The following RNF180 variants were observed in gnomAD, a reference collection of about 807,000 sequenced individuals.
RNF180 encodes the protein ring finger protein 180.
RNF180 carries 38 observed loss-of-function variants against 59.2 expected under a neutral mutation model. The observed-to-expected ratio is 0.64, with a 90% CI of 0.50 to 0.84. The LOEUF (loss-of-function observed/expected upper bound fraction) is 0.84. Ranked by LOEUF, RNF180 falls within the 40% of genes least tolerant of loss-of-function variation. The pLI is 0.00. For synonymous variants in RNF180, 262 were observed against 240.3 expected (o/e 1.09, Z -0.84); for missense variants, 705 against 700.9 (o/e 1.01, Z -0.07).
chr5:64,359,844 T>C (rs1466382760), intron 7 of RNF180, among the ~76,000 whole-genome samples: 2 of 152,238 alleles, frequency 1.3e-5, no homozygotes, highest in African/African-American at 4.8e-5. Context: ...AGTTTCAGCT[T>C]TCTACATATG....
At chr5:64,363,400 T>C (rs1283070139) in intron 7 of RNF180, among the ~76,000 whole-genome samples, 1 of 151,844 alleles carries the variant, frequency 6.6e-6, no homozygotes, top group Non-Finnish European at 1.5e-5. Flanking sequence ...ATAAGATGGT[T>C]GTAGATGTGT....
chr5:64,315,068 T>C (rs982406285), intron 5 of RNF180, among the ~76,000 whole-genome samples: 3 of 152,208 alleles, frequency 2.0e-5, no homozygotes, highest in Non-Finnish European at 4.4e-5. Context: ...TGTAACATCA[T>C]GCATTAGACA....
chr5:64,316,032 T>C (rs1744025582), intron 5 of RNF180, among the ~76,000 whole-genome samples: 1 of 152,148 alleles, frequency 6.6e-6, no homozygotes, highest in African/African-American at 2.4e-5. Context: ...ATCAGTACAA[T>C]TGCCAACACA....
Position 64,309,860 on chromosome 5 carries a change from T to C in RNF180, c.1228-15326T>C, listed in dbSNP as rs540898662. Among the ~76,000 whole-genome samples the C allele has an allele frequency of 1.1e-4, 17 of 151,826 alleles. No homozygotes were observed. In the East Asian group the frequency reaches 3.3e-3, roughly 29 times the overall value. On this transcript the variant is annotated intron_variant, in intron 5 of 7. Coordinates refer to ENST00000389100, the MANE Select transcript of RNF180 (RefSeq NM_001113561.2). ...TCTTAGCAGTGTCAGGTTGACTGGC[T>C]TTTATATTTATATTAATTTTTCCAT...
At chr5:64,296,770 A>G (rs1479587181) in intron 5 of RNF180, among the ~76,000 whole-genome samples, 1 of 152,140 alleles carries the variant, frequency 6.6e-6, no homozygotes, top group Non-Finnish European at 1.5e-5. Flanking sequence ...TTGGAGGGAA[A>G]TGCATAGTTG....
At chr5:64,266,589 A>C (rs946873795) in intron 5 of RNF180, among the ~76,000 whole-genome samples, 2 of 152,156 alleles carry the variant, frequency 1.3e-5, no homozygotes, top group African/African-American at 4.8e-5. Context: ...TGTTATCAAA[A>C]TTTCATCACT....
At chr5:64,199,794 T>G (rs2112048928) in intron 1 of RNF180, among the ~76,000 whole-genome samples, 1 of 152,348 alleles carries the variant, frequency 6.6e-6, no homozygotes, top group East Asian at 1.9e-4. Context: ...TGTACCTATT[T>G]TGGAATTGTT....
At chr5:64,325,471 G>T in intron 6 of RNF180, 60 bp downstream of exon 6, 1 of 1,195,850 alleles carries the variant, frequency 8.4e-7, no homozygotes, top group South Asian at 1.3e-5. Flanking sequence ...TAGTTCTAAA[G>T]GTACTTTATA....
intron 2 of RNF180, among the ~76,000 whole-genome samples, chr5:64,209,543 A>G (rs990803771): frequency 1.3e-5 from 2 of 152,046 alleles, no homozygotes; most frequent in East Asian, 3.8e-4. Flanking sequence ...TGTGTTTAGT[A>G]ATCACTAAAT....
intron 7 of RNF180, among the ~76,000 whole-genome samples, chr5:64,337,493 T>C (rs544224156): frequency 1.3e-5 from 2 of 152,266 alleles, no homozygotes; most frequent in Non-Finnish European, 2.9e-5. Flanking sequence ...TAGAAATATA[T>C]TTTTTTGCAA....
At chr5:64,340,060 T>G (rs1445031129) in intron 7 of RNF180, among the ~76,000 whole-genome samples, 2 of 152,164 alleles carry the variant, frequency 1.3e-5, no homozygotes, top group Non-Finnish European at 2.9e-5. Flanking sequence ...CCTCAGTTTA[T>G]TTGAACAGTA....
chr5:64,170,978 A>C (rs1014505838), intron 1 of RNF180, among the ~76,000 whole-genome samples: 2 of 152,226 alleles, frequency 1.3e-5, no homozygotes, highest in African/African-American at 4.8e-5. Flanking sequence ...GGCATAGTGC[A>C]TTAAGAATGT....
intron 7 of RNF180, among the ~76,000 whole-genome samples, chr5:64,337,741 G>A (rs921939050): frequency 3.5e-5 from 5 of 143,508 alleles, no homozygotes; most frequent in Non-Finnish European, 6.0e-5. Flanking sequence ...CCACCTATGA[G>A]TGAGAACATG....
At position 64,289,521 on chromosome 5, in the gene RNF180, G is replaced by A. The variant is rs185218587; in HGVS notation, c.1228-35665G>A. On this transcript the variant is annotated intron_variant, in intron 5 of 7. Coordinates refer to ENST00000389100, the MANE Select transcript of RNF180 (RefSeq NM_001113561.2). ...ATTCAGCTGTAATCCTCCTGGTCCT[G>A]GGCTTTTATTGGTTGGTAGGCTCTT... Among the ~76,000 whole-genome samples the A allele has an allele frequency of 1.4e-4, 21 of 152,144 alleles. 1 individual carries two copies. The highest frequency in any genetic ancestry group is 5.1e-4 in the African/African-American group (21 of 41,516).
intron 3 of RNF180, 138 bp downstream of exon 3, chr5:64,212,298 A>G: frequency 1.6e-6 from 1 of 612,004 alleles, no homozygotes; most frequent in Non-Finnish European, 3.0e-6. Flanking sequence ...CTCTCTTCAC[A>G]CTTCTTTTCT....
intron 1 of RNF180, among the ~76,000 whole-genome samples, chr5:64,192,901 A>ATGTGTATG (rs1417440310): frequency 1.4e-5 from 1 of 71,190 alleles, no homozygotes; most frequent in African/African-American, 5.8e-5. Context: ...AAAGTGTGGC[A>ATGTGTATG]TGTATATATA....
At chr5:64,330,238 T>C (rs1252439127) in intron 6 of RNF180, 43 bp from the exon 7 acceptor site, 1 of 1,310,146 alleles carries the variant, frequency 7.6e-7, no homozygotes, top group Non-Finnish European at 1.1e-6. Context: ...GCCATTTTAC[T>C]CAAATTAATT....
At chr5:64,211,408 A>G (rs1752303458) in intron 2 of RNF180, among the ~76,000 whole-genome samples, 1 of 152,114 alleles carries the variant, frequency 6.6e-6, no homozygotes, top group South Asian at 2.1e-4. Context: ...TTCCTTGGCT[A>G]ATTTATAAAG....
intron 5 of RNF180, among the ~76,000 whole-genome samples, chr5:64,315,734 C>CAAAAA (rs869200360): frequency 1.9e-5 from 1 of 53,038 alleles, no homozygotes; most frequent in Admixed American, 2.0e-4. Flanking sequence ...GTAACTGTCT[C>CAAAAA]AAAAAAAAAA....
Sources: gnomAD v4.1 joint callset for allele counts (sites outside exome capture counted in the v4.1 genomes callset) on GRCh38, gnomAD v4.1.1 for gene constraint, MANE v1.5 for transcripts, NCBI Gene and HGNC (gene_info 2026-07-23, HGNC 2026-07-21) for gene names.